RANBP17: variants seen among roughly 807,000 people sequenced by gnomAD.
RANBP17 encodes the protein ran-binding protein 17.
Under a neutral mutation model 141.2 loss-of-function variants are expected in RANBP17, and 158 were observed. The ratio of observed to expected loss-of-function variants is 1.12; its 90% CI spans 0.98 to 1.28. The LOEUF is 1.28. RANBP17 is among the 50% of genes most tolerant of loss of function. RANBP17 has a pLI of 0.00. For synonymous variants in RANBP17, 430 were observed against 450.0 expected (o/e 0.96, Z 0.56); for missense variants, 1,438 against 1,290.7 (o/e 1.11, Z -1.75).
rs539162477 is a variant in RANBP17 at position 171,219,124 on chromosome 5, A to G, written c.2340-2634A>G. 4.3e-4 allele frequency among the ~76,000 whole-genome samples: 65 copies of G among 152,196 alleles called. No homozygotes were observed. In the East Asian group the frequency reaches 9.7e-3, roughly 23 times the overall value. ...CCCTCAGCATTTGCTTGTCTGTAAA[A>G]GATTTTATTTCTTCTTTGCTTATGA... On this transcript the variant is annotated intron_variant, in intron 21 of 27. Coordinates refer to ENST00000523189, the MANE Select transcript of RANBP17 (RefSeq NM_022897.5).
chr5:170,924,457 C>G lies in RANBP17; in HGVS notation c.1375C>G (p.Leu459Val). 2 of 1,613,404 alleles carry G rather than the reference C, an allele frequency of 1.2e-6. No individual in the cohort carries two copies. The highest frequency in any genetic ancestry group is 1.7e-6 in the Non-Finnish European group (2 of 1,179,522). ...ATGTGAATATGAAAAGACATGTGCT[C>G]TTCTTGTGCAGTTATTCGACCAAAA... The part of the protein sequence containing the change: ...SRCEYEKTCA[L>V]LVQLFDQNAQ... The change falls in exon 12 of 28, where the codon CTT (leucine) becomes GTT (valine). Residue 459 changes from leucine to valine, a missense_variant. By Grantham distance (32) the Leu-to-Val change is conservative (BLOSUM62 1). Transcript: ENST00000523189.
At chr5:170,876,003 T>G (rs185430209) in intron 1 of RANBP17, among the ~76,000 whole-genome samples, 140 of 152,328 alleles carry the variant, frequency 9.2e-4, no homozygotes, top group Admixed American at 2.0e-3. Flanking sequence ...GTCCCTCTTC[T>G]GTGGGGCTGC....
At chr5:171,114,598 G>T (rs1755482051) in intron 14 of RANBP17, among the ~76,000 whole-genome samples, 1 of 151,076 alleles carries the variant, frequency 6.6e-6, no homozygotes, top group African/African-American at 2.4e-5. Flanking sequence ...CACAAAGAGG[G>T]AATATTCTGT....
chr5:170,972,493 CT>C (rs1185492476), intron 14 of RANBP17, among the ~76,000 whole-genome samples: 1 of 151,910 alleles, frequency 6.6e-6, no homozygotes, highest in Admixed American at 6.6e-5. Context: ...CAGAATTCAT[CT>C]TTTTTTATTA....
At chr5:171,089,178 G>A (rs1375588132) in intron 14 of RANBP17, among the ~76,000 whole-genome samples, 1 of 147,512 alleles carries the variant, frequency 6.8e-6, no homozygotes, top group Admixed American at 6.8e-5. Context: ...CCTTCTAACA[G>A]ACAGGACCCT....
intron 14 of RANBP17, among the ~76,000 whole-genome samples, chr5:170,988,762 A>G (rs985695679): frequency 6.6e-6 from 1 of 151,814 alleles, no homozygotes; most frequent in Non-Finnish European, 1.5e-5. Flanking sequence ...TGCTTCTGGA[A>G]TAAGGATGGA....
intron 16 of RANBP17, among the ~76,000 whole-genome samples, chr5:171,180,922 C>G (rs142177716): frequency 0.011 from 1,673 of 152,300 alleles, 31 homozygotes; most frequent in African/African-American, 0.038. Context: ...ATTAACAGCA[C>G]TGACAGGAAG....
chr5:170,989,008 T>C (rs1383168315), intron 14 of RANBP17, among the ~76,000 whole-genome samples: 1 of 151,844 alleles, frequency 6.6e-6, no homozygotes, highest in Non-Finnish European at 1.5e-5. Context: ...AGTAAGATCA[T>C]GTGTGAATAC....
chr5:171,258,021 G>A (rs1383668508), intron 24 of RANBP17, among the ~76,000 whole-genome samples: 2 of 151,456 alleles, frequency 1.3e-5, no homozygotes, highest in East Asian at 1.9e-4. Flanking sequence ...CAGGAGAATC[G>A]CTTGAACCCA....
intron 12 of RANBP17, among the ~76,000 whole-genome samples, chr5:170,947,612 G>A (rs191981647): frequency 1.0e-3 from 152 of 152,214 alleles, no homozygotes; most frequent in African/African-American, 3.5e-3. Flanking sequence ...GTTCTCTTCA[G>A]GGGTCTTTCA....
At chr5:171,179,584 G>T (rs1760749468) in intron 16 of RANBP17, among the ~76,000 whole-genome samples, 1 of 151,976 alleles carries the variant, frequency 6.6e-6, no homozygotes, top group Non-Finnish European at 1.5e-5. Context: ...TTAAATATTT[G>T]CCCAGATTCA....
chr5:170,994,850 A>T (rs527627290), intron 14 of RANBP17, among the ~76,000 whole-genome samples: 1 of 152,152 alleles, frequency 6.6e-6, no homozygotes, highest in South Asian at 2.1e-4. Flanking sequence ...TTTGACCATG[A>T]CGTTGTTGGA....
chr5:171,190,817 G>A lies in RANBP17; in HGVS notation c.2038+7387G>A, dbSNP rs548994494. Among the ~76,000 whole-genome samples the A allele has an allele frequency of 3.9e-5, 6 of 152,284 alleles. No homozygotes were observed. In the East Asian group the frequency reaches 1.2e-3, roughly 29 times the overall value. On this transcript the variant is annotated intron_variant, in intron 18 of 27. Coordinates refer to ENST00000523189, the MANE Select transcript of RANBP17 (RefSeq NM_022897.5). The stretch of plus-strand genomic sequence containing the variant: ...ACTATAACAACGCTTTTCATTTGGT[G>A]AAGAACCAAAATTATTATTTGCAAA...
chr5:171,074,430 G>A (rs1426762882), intron 14 of RANBP17, among the ~76,000 whole-genome samples: 2 of 152,066 alleles, frequency 1.3e-5, no homozygotes, highest in Non-Finnish European at 2.9e-5. Flanking sequence ...AGATATTAGT[G>A]GGAAAACTGG....
chr5:171,073,631 G>A (rs577860647), intron 14 of RANBP17, among the ~76,000 whole-genome samples: 1 of 152,232 alleles, frequency 6.6e-6, no homozygotes, highest in African/African-American at 2.4e-5. Flanking sequence ...ACATGGCTTA[G>A]TGTACATGTG....
At chr5:170,995,819 CAT>C (rs1049089671) in intron 14 of RANBP17, among the ~76,000 whole-genome samples, 6 of 152,020 alleles carry the variant, frequency 3.9e-5, no homozygotes, top group African/African-American at 1.5e-4. Context: ...AAATTATAAA[CAT>C]ATAAATGTTT....
intron 22 of RANBP17, among the ~76,000 whole-genome samples, chr5:171,238,737 C>T (rs1479908457): frequency 2.0e-5 from 3 of 151,690 alleles, no homozygotes; most frequent in African/African-American, 7.3e-5. Context: ...TCTGAAGTAC[C>T]TGGCTTTCTT....
chr5:171,008,162 A>G (rs1402207335), intron 14 of RANBP17, among the ~76,000 whole-genome samples: 1 of 152,210 alleles, frequency 6.6e-6, no homozygotes, highest in Non-Finnish European at 1.5e-5. Context: ...GGGTACACAG[A>G]TAAAATGTGT....
intron 14 of RANBP17, among the ~76,000 whole-genome samples, chr5:171,105,959 T>C (rs941982581): frequency 1.3e-5 from 2 of 152,190 alleles, no homozygotes; most frequent in African/African-American, 2.4e-5. Flanking sequence ...AGGCCATCAA[T>C]TGATGTGCAC....
Sources: gnomAD v4.1 joint callset for allele counts (sites outside exome capture counted in the v4.1 genomes callset) on GRCh38, gnomAD v4.1.1 for gene constraint, MANE v1.5 for transcripts, NCBI Gene and HGNC (gene_info 2026-07-23, HGNC 2026-07-21) for gene names.